Variants in MGME1 observed in about 807,000 individuals in gnomAD.
MGME1 encodes chromosome 20 open reading frame 72.
MGME1 carries 22 observed loss-of-function variants against 33.0 expected under a neutral mutation model. The ratio of observed to expected loss-of-function variants is 0.67; its 90% confidence interval spans 0.48 to 0.95. The LOEUF (loss-of-function observed/expected upper bound fraction) is 0.95, where lower values mean the gene tolerates loss of function less well. Among genes scored for constraint, MGME1 ranks in the 40% least tolerant of loss-of-function variants. The probability of loss-of-function intolerance (pLI) is 0.00; values close to 1 mark genes in which losing one functional copy is unlikely to be tolerated. For missense variants in MGME1, 383 were observed against 397.8 expected (o/e 0.96, Z 0.32); for synonymous variants, 133 against 144.0 (o/e 0.92, Z 0.55).
chr20:17,981,876 C>T (rs780316797), intron 3 of MGME1, among the ~76,000 whole-genome samples: 2 of 150,820 alleles, frequency 1.3e-5, no homozygotes, highest in Non-Finnish European at 3.0e-5. Context: ...TTGTTTCGAA[C>T]TCCTGACCTA....
intron 2 of MGME1, among the ~76,000 whole-genome samples, chr20:17,973,071 A>G (rs1257943791): frequency 6.6e-6 from 1 of 152,196 alleles, no homozygotes; most frequent in Non-Finnish European, 1.5e-5. Context: ...CCAGCTGGGC[A>G]TAGTGGCTCA....
intron 3 of MGME1, among the ~76,000 whole-genome samples, chr20:17,978,354 G>A (rs955895900): frequency 5.9e-5 from 9 of 152,012 alleles, no homozygotes; most frequent in South Asian, 2.1e-4. Context: ...AGAGGTGCAC[G>A]CCACCACACC....
Position 17,990,395 on chromosome 20 carries a change from T to G in MGME1, c.*286T>G. The stretch of plus-strand genomic sequence containing the variant: ...GCAGTCATGCTGGTGACTCTTGTAC[T>G]CCCTTGAGGGACATTGGGGGGGGGG... On this transcript the variant is annotated 3_prime_UTR_variant, in exon 5 of 5. Coordinates refer to ENST00000377710, the MANE Select transcript of MGME1 (RefSeq NM_052865.4). 2 of 142,328 alleles carry G rather than the reference T, an allele frequency of 1.4e-5. No homozygotes were observed. The highest frequency in any genetic ancestry group is 2.6e-5 in the Non-Finnish European group (2 of 75,486). The allele number at this position is 142,328 out of a possible 1,614,324, so 8.8% of individuals were successfully genotyped here. A position where few individuals can be genotyped will look rare whatever the true frequency, so the allele number is the denominator to read the frequency against.
At chr20:17,986,456 A>T (rs982623536) in intron 3 of MGME1, among the ~76,000 whole-genome samples, 1 of 150,502 alleles carries the variant, frequency 6.6e-6, no homozygotes, top group Non-Finnish European at 1.5e-5. Context: ...GCTCACTGCA[A>T]ACTCCACCTC....
At chr20:17,975,554 CAAAAAAAA>C (rs894514527) in intron 2 of MGME1, 122 bp from the exon 3 acceptor site, 3 of 567,868 alleles carry the variant, frequency 5.3e-6, no homozygotes, top group South Asian at 2.1e-5. Context: ...AGACTCCATC[CAAAAAAAA>C]AAAAAAGAAA....
chr20:17,976,287 C>T (rs973516132), intron 3 of MGME1, among the ~76,000 whole-genome samples: 4 of 152,032 alleles, frequency 2.6e-5, no homozygotes. Flanking sequence ...CCGCACCTGG[C>T]TAATTTTTGT....
chr20:17,980,333 A>G (rs908919387), intron 3 of MGME1, among the ~76,000 whole-genome samples: 1 of 151,326 alleles, frequency 6.6e-6, no homozygotes, highest in Admixed American at 6.6e-5. Flanking sequence ...ACCCCACTGA[A>G]TTTTTAATGG....
intron 4 of MGME1, among the ~76,000 whole-genome samples, chr20:17,989,318 G>C (rs1202595843): frequency 1.3e-5 from 2 of 151,944 alleles, no homozygotes; most frequent in Admixed American, 6.6e-5. Flanking sequence ...CCCAGGAGGC[G>C]GAGGTTGCGG....
rs532287565 is a variant in MGME1 at position 17,988,058 on chromosome 20, T to C, written c.732-108T>C. ...GGAAAAAAATGGTGAATAAGAGCAA[T>C]GGTCATTGGCTGACAAGTAACAAAC... On this transcript the variant is annotated intron_variant, in intron 3 of 4. Transcript: ENST00000377710. 76 of 1,102,704 alleles carry C rather than the reference T, an allele frequency of 6.9e-5. No individual in the cohort carries two copies. The African/African-American group carries it at 9.4e-4, about 14-fold the overall frequency. The allele number at this position is 1,102,704 out of a possible 1,614,324, so 68.3% of individuals were successfully genotyped here.
At position 17,990,254 on chromosome 20, in the gene MGME1, T is replaced by C; in HGVS notation, c.*145T>C. ...AGAAGTATTAATTTGTTGAAATGTG[T>C]TGTTACCAAAAAGACTGAAAAGCCC... On this transcript the variant is annotated 3_prime_UTR_variant, in exon 5 of 5. Transcript: ENST00000377710. 1 of 758,996 alleles carries C rather than the reference T, an allele frequency of 1.3e-6. No homozygotes were observed. Among genetic ancestry groups the C allele is most frequent in the Non-Finnish European group, 2.2e-6 (1 of 456,114 alleles). 47.0% of individuals were successfully genotyped at this position (758,996 alleles called of 1,614,324 possible).
upstream of MGME1, chr20:17,968,599 G>C: frequency 1.6e-6 from 1 of 644,898 alleles, no homozygotes; most frequent in Non-Finnish European, 2.7e-6. Flanking sequence ...CAGCTGCCCC[G>C]GGAGCAGGCG....
chr20:17,973,234 C>T (rs2035773782), intron 2 of MGME1, among the ~76,000 whole-genome samples: 2 of 152,050 alleles, frequency 1.3e-5, no homozygotes, highest in African/African-American at 2.4e-5. Flanking sequence ...ATCCCAGCTA[C>T]TACGGAGGCT....
At chr20:17,983,267 TTGTGTGTGTG>T (rs1555791107) in intron 3 of MGME1, among the ~76,000 whole-genome samples, 35 of 142,684 alleles carry the variant, frequency 2.5e-4, no homozygotes, top group East Asian at 2.3e-3. Flanking sequence ...TAGTGTTCTA[TTGTGTGTGTG>T]TGTGTGTGTG....
intron 4 of MGME1, among the ~76,000 whole-genome samples, chr20:17,988,682 G>C (rs1279972445): frequency 1.3e-5 from 2 of 149,292 alleles, no homozygotes; most frequent in East Asian, 4.0e-4. Context: ...TCTCAGTGGG[G>C]GGGTAGGAGG....
chr20:17,982,214 G>T (rs2036040953), intron 3 of MGME1, among the ~76,000 whole-genome samples: 1 of 152,218 alleles, frequency 6.6e-6, no homozygotes, highest in African/African-American at 2.4e-5. Flanking sequence ...TCCACCTCCT[G>T]GGTTCAAGCG....
chr20:17,976,267 G>A (rs2035864356), intron 3 of MGME1, among the ~76,000 whole-genome samples: 1 of 152,072 alleles, frequency 6.6e-6, no homozygotes, highest in Non-Finnish European at 1.5e-5. Context: ...GGGACTACAG[G>A]CATGCACCAC....
chr20:17,979,637 C>T (rs1356857384), intron 3 of MGME1, among the ~76,000 whole-genome samples: 3 of 148,088 alleles, frequency 2.0e-5, no homozygotes, highest in Non-Finnish European at 3.0e-5. Context: ...ACAATGGTCT[C>T]GATCTCCTGA....
chr20:17,968,833 G>C (rs903794498), upstream of MGME1: 3 of 201,928 alleles, frequency 1.5e-5, no homozygotes, highest in African/African-American at 2.3e-5. Flanking sequence ...TACTCAGCCC[G>C]AGTCCAAGAT....
At chr20:17,989,902 T>G (rs1415913210) in intron 4 of MGME1, 37 bp from the exon 5 acceptor site, 1 of 1,601,602 alleles carries the variant, frequency 6.2e-7, no homozygotes, top group South Asian at 1.1e-5. Flanking sequence ...CTGGACCTAC[T>G]GTAGTGAAAC....
Sources: allele counts gnomAD v4.1 joint callset (sites outside exome capture counted in the v4.1 genomes callset), GRCh38; gene constraint gnomAD v4.1.1; transcripts MANE v1.5; gene names NCBI Gene and HGNC (gene_info 2026-07-23, HGNC 2026-07-21).